Variants in GRID1 observed in about 807,000 individuals in gnomAD.
GRID1 encodes the protein glutamate ionotropic receptor delta type subunit 1, also known as glutamate receptor ionotropic, delta-1.
Under a neutral mutation model 98.0 loss-of-function variants are expected in GRID1, and 28 were observed. The observed-to-expected ratio is 0.29, with a 90% CI of 0.21 to 0.39. The LOEUF (loss-of-function observed/expected upper bound fraction) is 0.39. GRID1 is among the 10% of genes least tolerant of loss of function. The pLI is 1.00. For synonymous variants in GRID1, 553 were observed against 538.5 expected, an observed-to-expected ratio of 1.03 and a Z score of -0.37; for missense variants, 1,111 against 1,340.5, an observed-to-expected ratio of 0.83 and a Z score of 2.67.
chr10:85,794,116 C>G (rs1016249708), intron 8 of GRID1, among the ~76,000 whole-genome samples: 1 of 152,172 alleles, frequency 6.6e-6, no homozygotes, highest in African/African-American at 2.4e-5. Context: ...CTGAATTAAT[C>G]TCTCTGTCAG....
In GRID1 at chr10:86,221,007, A is replaced by G. The variant is rs535503507; in HGVS notation, c.236-14359T>C. 3.9e-5 allele frequency among the ~76,000 whole-genome samples: 6 copies of G among 152,286 alleles called. No homozygotes were observed. In the East Asian group the frequency reaches 1.2e-3, roughly 30 times the overall value. ...ACCCTGCGCCTCCAGGAGGAGGCAA[A>G]GCCATCACGACATAAGCCATGGCCA... On this transcript the variant is annotated intron_variant, in intron 2 of 15. Transcript: ENST00000327946.
intron 8 of GRID1, among the ~76,000 whole-genome samples, chr10:85,807,843 T>G (rs1331974176): frequency 6.6e-6 from 1 of 152,192 alleles, no homozygotes. Context: ...AAGTTTATTA[T>G]TCACAAGACT....
intron 4 of GRID1, among the ~76,000 whole-genome samples, chr10:85,920,599 G>A (rs1841688991): frequency 6.6e-6 from 1 of 152,146 alleles, no homozygotes. Flanking sequence ...GCAAAGTGGT[G>A]GGCACCACCA....
intron 8 of GRID1, among the ~76,000 whole-genome samples, chr10:85,846,454 G>A (rs967855348): frequency 1.3e-5 from 2 of 152,178 alleles, no homozygotes; most frequent in South Asian, 4.2e-4. Flanking sequence ...AACACAGGAG[G>A]CAGAGGTTGC....
At position 86,300,554 on chromosome 10, in the gene GRID1, G is replaced by C. The variant is rs1175580821; in HGVS notation, c.235+63387C>G. Among the ~76,000 whole-genome samples, 17 of 97,236 alleles carry C rather than the reference G, an allele frequency of 1.7e-4. No homozygotes were observed. In the Admixed American group the frequency reaches 2.0e-3, roughly 11 times the overall value. 63.8% of individuals were successfully genotyped at this position (97,236 alleles called of 152,430 possible). On this transcript the variant is annotated intron_variant, in intron 2 of 15. Transcript: ENST00000327946. ...GGGAGGGGAGGGGAGGGGAGGGGAG[G>C]GGAGGGAAAAAACAAAATACCTGGA...
chr10:86,065,490 T>G (rs983358606), intron 4 of GRID1, among the ~76,000 whole-genome samples: 3 of 152,244 alleles, frequency 2.0e-5, no homozygotes, highest in African/African-American at 7.2e-5. Flanking sequence ...CCCAGCCACA[T>G]GCATTCAAAT....
intron 12 of GRID1, among the ~76,000 whole-genome samples, chr10:85,675,287 A>G (rs753597157): frequency 1.4e-4 from 21 of 152,218 alleles, no homozygotes; most frequent in Non-Finnish European, 2.6e-4. Context: ...ACTCTGCATG[A>G]TAAGTCTAGA....
At chr10:86,088,782 G>C (rs1844101299) in intron 4 of GRID1, among the ~76,000 whole-genome samples, 1 of 152,140 alleles carries the variant, frequency 6.6e-6, no homozygotes, top group South Asian at 2.1e-4. Flanking sequence ...ACCAGCTCAG[G>C]ACCTCAGGAC....
In GRID1 at chr10:86,363,921, T is replaced by C. The variant is rs1848639056; in HGVS notation, c.235+20A>G. The C allele has an allele frequency of 6.2e-7, 1 of 1,610,250 alleles. No homozygotes were observed. The highest frequency in any genetic ancestry group is 1.7e-5 in the Admixed American group (1 of 59,874). On this transcript the variant is annotated intron_variant, in intron 2 of 15. Coordinates refer to ENST00000327946, the MANE Select transcript of GRID1 (RefSeq NM_017551.3). The stretch of plus-strand genomic sequence containing the variant: ...TCGCAGGCCGTGTCCCAGTGGGCCC[T>C]GGGCACAGCGGTCACTCACCTTCCT...
At chr10:86,000,143 C>G (rs1842787311) in intron 4 of GRID1, among the ~76,000 whole-genome samples, 1 of 152,120 alleles carries the variant, frequency 6.6e-6, no homozygotes, top group African/African-American at 2.4e-5. Context: ...GATACAAGAT[C>G]ATACACAAAA....
intron 3 of GRID1, among the ~76,000 whole-genome samples, chr10:86,139,803 C>T (rs1171652958): frequency 1.3e-5 from 2 of 152,144 alleles, no homozygotes; most frequent in African/African-American, 4.8e-5. Context: ...CAGGGATGGA[C>T]GATTCAACAA....
At chr10:85,802,165 C>T (rs964366934) in intron 8 of GRID1, among the ~76,000 whole-genome samples, 4 of 151,998 alleles carry the variant, frequency 2.6e-5, no homozygotes, top group East Asian at 1.9e-4. Flanking sequence ...TATCAACTGT[C>T]GCTGAAATTG....
chr10:85,946,124 C>A (rs1424712283), intron 4 of GRID1, among the ~76,000 whole-genome samples: 1 of 152,184 alleles, frequency 6.6e-6, no homozygotes, highest in Non-Finnish European at 1.5e-5. Flanking sequence ...GTCTTAGCAT[C>A]AAGTCCCAGA....
chr10:86,160,138 A>C (rs111550439), intron 3 of GRID1, among the ~76,000 whole-genome samples: 5,386 of 152,262 alleles, frequency 0.035, 128 homozygotes, highest in Middle Eastern at 0.088. Flanking sequence ...CTGGGGGATT[A>C]AGCCAGGATG....
intron 2 of GRID1, among the ~76,000 whole-genome samples, chr10:86,337,241 G>GC (rs1039567828): frequency 7.9e-5 from 12 of 152,044 alleles, no homozygotes; most frequent in Non-Finnish European, 1.3e-4. Flanking sequence ...TGTTAGGGAG[G>GC]CCCCCCACGA....
intron 2 of GRID1, among the ~76,000 whole-genome samples, chr10:86,326,266 G>A (rs909853151): frequency 6.6e-6 from 1 of 152,142 alleles, no homozygotes; most frequent in Non-Finnish European, 1.5e-5. Context: ...ACTATGCCCC[G>A]GGTTGGTAAC....
chr10:85,919,954 C>T (rs984369908), intron 4 of GRID1, among the ~76,000 whole-genome samples: 1 of 152,130 alleles, frequency 6.6e-6, no homozygotes, highest in African/African-American at 2.4e-5. Flanking sequence ...CCAACACCCC[C>T]AATTCAGGCT....
chr10:85,727,782 T>A, intron 10 of GRID1, 73 bp downstream of exon 10: 1 of 1,135,138 alleles, frequency 8.8e-7, no homozygotes, highest in Non-Finnish European at 1.3e-6. Flanking sequence ...CACTGTGCAA[T>A]TGGTCAAGTT....
intron 4 of GRID1, among the ~76,000 whole-genome samples, chr10:86,050,095 A>T (rs1843480561): frequency 6.6e-6 from 1 of 152,212 alleles, no homozygotes; most frequent in South Asian, 2.1e-4. Context: ...GCCAGGCGTG[A>T]TTCCACAGAT....
Sources: gnomAD v4.1 joint callset for allele counts (sites outside exome capture counted in the v4.1 genomes callset) on GRCh38, gnomAD v4.1.1 for gene constraint, MANE v1.5 for transcripts, NCBI Gene and HGNC (gene_info 2026-07-23, HGNC 2026-07-21) for gene names.